GLDC: variants seen among roughly 807,000 people sequenced by gnomAD.
The protein encoded by GLDC is glycine decarboxylase.
GLDC carries 104 observed loss-of-function variants against 121.3 expected under a neutral mutation model. The observed-to-expected ratio is 0.86, with a 90% confidence interval of 0.73 to 1.01. GLDC has a LOEUF of 1.01. GLDC is among the 50% of genes least tolerant of loss of function. The probability of loss-of-function intolerance (pLI) is 0.00; values close to 1 mark genes in which losing one functional copy is unlikely to be tolerated. For synonymous variants in GLDC, 546 were observed against 480.6 expected, an observed-to-expected ratio of 1.14 and a Z score of -1.78; for missense variants, 1,429 against 1,306.6, an observed-to-expected ratio of 1.09 and a Z score of -1.44.
chr9:6,600,482 G>C (rs776273357), intron 8 of GLDC, among the ~76,000 whole-genome samples: 3 of 151,900 alleles, frequency 2.0e-5, no homozygotes, highest in South Asian at 4.2e-4. Context: ...TTTGAGACCA[G>C]CCTGGCCAAC....
chr9:6,547,797 G>C (rs1817427578), intron 21 of GLDC, among the ~76,000 whole-genome samples: 1 of 152,120 alleles, frequency 6.6e-6, no homozygotes, highest in African/African-American at 2.4e-5. Context: ...AGTGACAGGG[G>C]AAAATGCTCA....
At chr9:6,598,068 A>C (rs749619905) in intron 8 of GLDC, among the ~76,000 whole-genome samples, 1 of 152,148 alleles carries the variant, frequency 6.6e-6, no homozygotes, top group Non-Finnish European at 1.5e-5. Context: ...TGATTCTGTC[A>C]CCCAGGTTGG....
At chr9:6,582,701 C>T (rs556260703) in intron 15 of GLDC, among the ~76,000 whole-genome samples, 167 of 151,856 alleles carry the variant, frequency 1.1e-3, no homozygotes, top group African/African-American at 3.7e-3. Context: ...TGGTGGCATG[C>T]GCCTGTAGTC....
At chr9:6,577,443 C>A (rs4742218) in intron 15 of GLDC, among the ~76,000 whole-genome samples, 4 of 152,228 alleles carry the variant, frequency 2.6e-5, no homozygotes, top group African/African-American at 7.2e-5. Context: ...ATGGAGGAAC[C>A]CTCTGAGATC....
At chr9:6,624,751 C>T (rs899134604) in intron 2 of GLDC, among the ~76,000 whole-genome samples, 4 of 152,058 alleles carry the variant, frequency 2.6e-5, no homozygotes, top group African/African-American at 9.7e-5. Flanking sequence ...CTTTGGGAGG[C>T]TGAGGCAGGA....
Position 6,605,058 on chromosome 9 carries a change from G to C in GLDC, c.861+73C>G, listed in dbSNP as rs530226443. On this transcript the variant is annotated intron_variant, in intron 6 of 24. Coordinates refer to ENST00000321612, the MANE Select transcript of GLDC (RefSeq NM_000170.3). ...AGAAATTAAGGCACATGAAAAGACA[G>C]AGAGAGAGATAGGTAGACAGATACA... 6 of 1,327,846 alleles carry C rather than the reference G, an allele frequency of 4.5e-6. No homozygotes were observed. The Admixed American group carries it at 1.0e-4, about 22-fold the overall frequency. 82.3% of individuals were successfully genotyped at this position (1,327,846 alleles called of 1,614,324 possible).
At chr9:6,533,799 G>T (rs1010025091) in intron 24 of GLDC, among the ~76,000 whole-genome samples, 4 of 151,252 alleles carry the variant, frequency 2.6e-5, no homozygotes, top group Non-Finnish European at 5.9e-5. Context: ...CAGAGGTTGT[G>T]GTGAGCCGAG....
intron 2 of GLDC, chr9:6,639,123 A>T: frequency 1.4e-6 from 1 of 734,832 alleles, no homozygotes; most frequent in Non-Finnish European, 2.5e-6. Context: ...AATGACAAAA[A>T]CAGAGCTTTT....
At chr9:6,595,794 A>C (rs1292093955) in intron 8 of GLDC, among the ~76,000 whole-genome samples, 1 of 151,812 alleles carries the variant, frequency 6.6e-6, no homozygotes, top group East Asian at 1.9e-4. Flanking sequence ...GCGCCACTGG[A>C]CTCCAGCCCG....
chr9:6,613,021 AC>A (rs1460163979), intron 3 of GLDC, among the ~76,000 whole-genome samples: 5 of 152,204 alleles, frequency 3.3e-5, no homozygotes, highest in African/African-American at 1.2e-4. Context: ...GTTTGTAAAA[AC>A]AAGTAGATGA....
At chr9:6,586,957 C>A (rs957444512) in intron 15 of GLDC, among the ~76,000 whole-genome samples, 184 bp downstream of exon 15, 5 of 152,206 alleles carry the variant, frequency 3.3e-5, no homozygotes, top group Non-Finnish European at 7.4e-5. Flanking sequence ...CAGCCCACAG[C>A]TCCTCACCAG....
At chr9:6,583,187 C>T (rs1405021904) in intron 15 of GLDC, among the ~76,000 whole-genome samples, 2 of 151,970 alleles carry the variant, frequency 1.3e-5, no homozygotes, top group Non-Finnish European at 2.9e-5. Flanking sequence ...ATAAAATTAC[C>T]CTATATCCAA....
rs1203164479 is a variant in GLDC at position 6,534,710 on chromosome 9, G to C, written c.2917C>G (p.Leu973Val). ...PYSREVAAFP[L>V]PFVKPENKFW... ...ACATTCAGATTCAGAGAACTTACGA[G>C]TGGGAATGCTGCCACCTCTCTGGAA... The change falls in exon 24 of 25, where the codon CTC becomes GTC. Residue 973 changes from leucine to valine, a missense_variant and splice_region_variant. Transcript: ENST00000321612. 3 of 1,562,992 alleles carry C rather than the reference G, an allele frequency of 1.9e-6. No homozygotes were observed. The highest frequency in any genetic ancestry group is 1.7e-5 in the Admixed American group (1 of 59,906).
At chr9:6,628,778 C>T (rs138133657) in intron 2 of GLDC, among the ~76,000 whole-genome samples, 77 of 152,298 alleles carry the variant, frequency 5.1e-4, no homozygotes, top group Middle Eastern at 3.4e-3. Flanking sequence ...TGGCATCTTC[C>T]GGATCCTTGC....
At chr9:6,644,719 A>C in intron 1 of GLDC, 27 bp from the exon 2 acceptor site, 2 of 1,520,610 alleles carry the variant, frequency 1.3e-6, no homozygotes, top group East Asian at 2.3e-5. Context: ...AGGCAGAGGA[A>C]AGTGCCTCTG....
At chr9:6,565,121 C>T (rs1817829313) in intron 16 of GLDC, among the ~76,000 whole-genome samples, 1 of 152,228 alleles carries the variant, frequency 6.6e-6, no homozygotes, top group Non-Finnish European at 1.5e-5. Flanking sequence ...CTGACGTTTG[C>T]ATTCTGGGTT....
At chr9:6,609,030 A>G (rs898693848) in intron 4 of GLDC, among the ~76,000 whole-genome samples, 2 of 152,122 alleles carry the variant, frequency 1.3e-5, no homozygotes, top group African/African-American at 4.8e-5. Flanking sequence ...CCAACTCTGC[A>G]TAAGCCAAAA....
chr9:6,581,720 G>A (rs1249900854), intron 15 of GLDC, among the ~76,000 whole-genome samples: 1 of 152,170 alleles, frequency 6.6e-6, no homozygotes, highest in Non-Finnish European at 1.5e-5. Context: ...ACTAAGAGTG[G>A]ATAAAGGTTA....
intron 2 of GLDC, among the ~76,000 whole-genome samples, chr9:6,641,777 G>C (rs1268378304): frequency 6.6e-6 from 1 of 152,140 alleles, no homozygotes; most frequent in African/African-American, 2.4e-5. Flanking sequence ...TTTCCAAACT[G>C]ATCACAATCT....
Sources: allele counts gnomAD v4.1 joint callset (sites outside exome capture counted in the v4.1 genomes callset), GRCh38; gene constraint gnomAD v4.1.1; transcripts MANE v1.5; gene names NCBI Gene and HGNC (gene_info 2026-07-23, HGNC 2026-07-21).